RBFOX3: variants seen among roughly 807,000 people sequenced by gnomAD.
RBFOX3 encodes the protein RNA binding protein fox-1 homolog 3.
A neutral mutation model predicts 48.7 loss-of-function variants in RBFOX3; 17 were observed. The ratio of observed to expected loss-of-function variants is 0.35; its 90% CI spans 0.24 to 0.52. The LOEUF (loss-of-function observed/expected upper bound fraction) is 0.52. Ranked by LOEUF, RBFOX3 falls within the 20% of genes least tolerant of loss-of-function variation. RBFOX3 has a pLI of 0.94. For synonymous variants in RBFOX3, 212 were observed against 209.5 expected, an observed-to-expected ratio of 1.01 and a Z score of -0.10; for missense variants, 382 against 497.5, an observed-to-expected ratio of 0.77 and a Z score of 2.21.
In RBFOX3 at chr17:79,137,515, C is replaced by A. The variant is rs950434450; in HGVS notation, c.-33-21767G>T. On this transcript the variant is annotated intron_variant, in intron 4 of 14. Coordinates refer to ENST00000693108, the MANE Select transcript of RBFOX3 (RefSeq NM_001350451.2). Reference sequence around the variant, plus strand: ...CAGTGATCGTGCACGCAGCAGTGCACCTGCACACCTACACACATTTCCCAC... The same window carrying A: ...CAGTGATCGTGCACGCAGCAGTGCAACTGCACACCTACACACATTTCCCAC... Among the ~76,000 whole-genome samples the A allele has an allele frequency of 2.6e-5, 4 of 152,242 alleles. No homozygotes were observed. The East Asian group carries it at 7.7e-4, about 29-fold the overall frequency.
intron 2 of RBFOX3, among the ~76,000 whole-genome samples, chr17:79,376,863 C>A (rs2059282984): frequency 6.6e-6 from 1 of 152,130 alleles, no homozygotes; most frequent in Non-Finnish European, 1.5e-5. Flanking sequence ...TCCATTTTCA[C>A]CTCCCTGGAA....
intron 4 of RBFOX3, among the ~76,000 whole-genome samples, chr17:79,210,175 T>G (rs1464981703): frequency 6.6e-6 from 1 of 151,308 alleles, no homozygotes; most frequent in African/African-American, 2.4e-5. Flanking sequence ...GAGTGGGGAG[T>G]GCAGGGGGCC....
At chr17:79,163,452 G>C (rs1326009949) in intron 4 of RBFOX3, among the ~76,000 whole-genome samples, 6 of 152,240 alleles carry the variant, frequency 3.9e-5, no homozygotes, top group African/African-American at 1.4e-4. Flanking sequence ...GCATCCGAAT[G>C]TCCTTCTGAC....
At chr17:79,116,392 A>G (rs575229218) in intron 4 of RBFOX3, among the ~76,000 whole-genome samples, 1 of 151,928 alleles carries the variant, frequency 6.6e-6, no homozygotes, top group African/African-American at 2.4e-5. Flanking sequence ...GCACGTGCCT[A>G]TAATCCCAGC....
At chr17:79,620,587 ACACACACGCACGCACG>A in the RBFOX3 span, among the ~76,000 whole-genome samples, 1 of 36,564 alleles carries the variant, frequency 2.7e-5, no homozygotes, top group African/African-American at 6.8e-5. Context: ...ACACGCACGC[ACACACACGCACGCACG>A]CACACATGCA....
chr17:79,321,561 C>T (rs1003252097), intron 2 of RBFOX3, among the ~76,000 whole-genome samples: 1 of 152,130 alleles, frequency 6.6e-6, no homozygotes, highest in African/African-American at 2.4e-5. Context: ...GCTCTACCAT[C>T]GCCAGTGTCC....
intron 5 of RBFOX3, among the ~76,000 whole-genome samples, chr17:79,112,786 G>C (rs2032298957): frequency 6.6e-6 from 1 of 151,982 alleles, no homozygotes; most frequent in Non-Finnish European, 1.5e-5. Context: ...CCAGCAGAAG[G>C]AAGTCCCCTT....
intron 4 of RBFOX3, among the ~76,000 whole-genome samples, chr17:79,218,123 A>G (rs2059285135): frequency 6.6e-6 from 1 of 152,082 alleles, no homozygotes; most frequent in Non-Finnish European, 1.5e-5. Flanking sequence ...TGAAGGAAAC[A>G]GCAGTTTTCA....
At chr17:79,498,838 T>C in intron 1 of RBFOX3, among the ~76,000 whole-genome samples, 1 of 139,024 alleles carries the variant, frequency 7.2e-6, no homozygotes, top group Admixed American at 7.2e-5. Context: ...CATGCACCCA[T>C]CCTTCCACCC....
At chr17:79,646,972 C>T in the RBFOX3 span, among the ~76,000 whole-genome samples, 1 of 152,186 alleles carries the variant, frequency 6.6e-6, no homozygotes, top group Non-Finnish European at 1.5e-5. Flanking sequence ...TACAGCATCC[C>T]CAGCCCAGCA....
chr17:79,213,395 C>T (rs868320528), intron 4 of RBFOX3, among the ~76,000 whole-genome samples: 39 of 152,296 alleles, frequency 2.6e-4, no homozygotes, highest in African/African-American at 8.7e-4. Flanking sequence ...CCAGGCCTCG[C>T]GTCAAGTCCC....
intron 3 of RBFOX3, among the ~76,000 whole-genome samples, chr17:79,282,098 T>C (rs186154852): frequency 5.9e-5 from 9 of 152,302 alleles, no homozygotes; most frequent in African/African-American, 2.2e-4. Context: ...TTTGAAATAG[T>C]GCTGACCAAA....
At chr17:79,516,058 A>AGAGAGTCAGAGAGAGAGAGCAGAGAGTCC (rs2085204973) in intron 1 of RBFOX3, 1 of 152,188 alleles carries the variant, frequency 6.6e-6, no homozygotes, top group Admixed American at 6.5e-5. Context: ...GAGAGAGAGG[A>AGAGAGTCAGAGAGAGAGAGCAGAGAGTCC]GAGAGTCAGA....
At chr17:79,623,653 A>C in the RBFOX3 span, among the ~76,000 whole-genome samples, 1 of 152,006 alleles carries the variant, frequency 6.6e-6, no homozygotes, top group African/African-American at 2.4e-5. Flanking sequence ...GTCTCTACTA[A>C]AAAATAAATA....
chr17:79,563,625 G>C (rs1488870038), intron 1 of RBFOX3, among the ~76,000 whole-genome samples: 1 of 152,326 alleles, frequency 6.6e-6, no homozygotes, highest in South Asian at 2.1e-4. Flanking sequence ...TTGATTACTC[G>C]TGAGATGAGT....
intron 2 of RBFOX3, among the ~76,000 whole-genome samples, chr17:79,456,671 A>T (rs2149214973): frequency 6.6e-6 from 1 of 150,828 alleles, no homozygotes; most frequent in East Asian, 1.9e-4. Flanking sequence ...ATACCAGGCC[A>T]GAGCCCCTCC....
In RBFOX3 at chr17:79,481,492, G is replaced by T. The variant is rs369152462; in HGVS notation, c.-175+962C>A. Among the ~76,000 whole-genome samples the T allele has an allele frequency of 2.6e-4, 39 of 152,278 alleles. No individual in the cohort carries two copies. The highest frequency in any genetic ancestry group is 9.2e-4 in the African/African-American group (38 of 41,526). ...TAAAAAGCCACTCCTGACCACACCT[G>T]ACCGTGTGCTGACCTGGCAACTCAC... On this transcript the variant is annotated intron_variant, in intron 2 of 14. Transcript: ENST00000693108. This position sits in a 1 kb window ranked among gnomAD's most constrained non-coding sequence, Gnocchi z 5.4.
intron 4 of RBFOX3, among the ~76,000 whole-genome samples, chr17:79,213,213 T>C (rs1320928346): frequency 6.6e-6 from 1 of 152,166 alleles, no homozygotes; most frequent in African/African-American, 2.4e-5. Flanking sequence ...CTGTTTCTCT[T>C]GTGAGCAGAT....
chr17:79,594,783 G>A (rs1364560743), intron 1 of RBFOX3, among the ~76,000 whole-genome samples: 1 of 152,196 alleles, frequency 6.6e-6, no homozygotes, highest in Non-Finnish European at 1.5e-5. Context: ...GGTGTAGGCA[G>A]CTGCGAGGCC....
Sources: allele counts gnomAD v4.1 joint callset (sites outside exome capture counted in the v4.1 genomes callset), GRCh38; gene constraint gnomAD v4.1.1; non-coding constraint Gnocchi (gnomAD v3.1); transcripts MANE v1.5; gene names NCBI Gene and HGNC (gene_info 2026-07-23, HGNC 2026-07-21).